The following BBIP1 variants were observed in gnomAD, a reference collection of about 807,000 sequenced individuals.
BBIP1 encodes BBSome interacting protein 1.
In BBIP1, 6 loss-of-function variants were observed where a neutral mutation model predicts 8.9. The ratio of observed to expected loss-of-function variants is 0.67; its 90% CI spans 0.37 to 1.33. The LOEUF (loss-of-function observed/expected upper bound fraction) is 1.33, where lower values mean the gene tolerates loss of function less well. Ranked by LOEUF, BBIP1 falls within the 40% of genes most tolerant of loss-of-function variation. The probability of loss-of-function intolerance (pLI) is 0.02; values close to 1 mark genes in which losing one functional copy is unlikely to be tolerated. For missense variants in BBIP1, 111 were observed against 109.2 expected (o/e 1.02, Z -0.07); for synonymous variants, 32 against 33.4 (o/e 0.96, Z 0.14).
chr10:110,905,519 G>A (rs977154568), intron 2 of BBIP1, among the ~76,000 whole-genome samples: 5 of 151,370 alleles, frequency 3.3e-5, no homozygotes, highest in Non-Finnish European at 2.9e-5. Context: ...CCGAGATCGT[G>A]CCACTGCACT....
intron 2 of BBIP1, among the ~76,000 whole-genome samples, chr10:110,915,616 C>A (rs1017015942): frequency 2.6e-5 from 4 of 152,196 alleles, no homozygotes; most frequent in Non-Finnish European, 5.9e-5. Context: ...TGACTGCACT[C>A]CATGTGCTAT....
intron 2 of BBIP1, among the ~76,000 whole-genome samples, chr10:110,916,262 T>C (rs1846398725): frequency 6.6e-6 from 1 of 152,228 alleles, no homozygotes; most frequent in South Asian, 2.1e-4. Context: ...AATTCTGTCC[T>C]CCCAGAGCAT....
chr10:110,911,165 G>GT (rs369010567), intron 2 of BBIP1: 354 of 152,278 alleles, frequency 2.3e-3, no homozygotes, highest in African/African-American at 8.1e-3. Flanking sequence ...TCTTACCATA[G>GT]TGTACCATTA....
chr10:110,911,297 T>A (rs1036144091), intron 2 of BBIP1: 23 of 152,142 alleles, frequency 1.5e-4, no homozygotes, highest in African/African-American at 5.5e-4. Context: ...TATTTTAGAA[T>A]TCTCCACCTC....
At chr10:110,907,528 AAAG>A (rs1269334491) in intron 2 of BBIP1, 80 of 495,860 alleles carry the variant, frequency 1.6e-4, no homozygotes, top group African/African-American at 4.4e-4. Flanking sequence ...AAAAAAAAAA[AAAG>A]AAAAGAAAAG....
intron 2 of BBIP1, among the ~76,000 whole-genome samples, chr10:110,908,621 A>G (rs1590753530): frequency 2.0e-5 from 3 of 152,290 alleles, no homozygotes; most frequent in Admixed American, 6.5e-5. Flanking sequence ...TATAAGTTCT[A>G]TACTTAGAAG....
rs146131669 is a variant in BBIP1, at chr10:110,901,805, A to G, written c.38-193T>C. On this transcript the variant is annotated intron_variant, in intron 2 of 3. Transcript: ENST00000448814. ...AAGCATTTAGATCTTGTCAACTTCC[A>G]TTAGTCAGTTGTGGTGTTAACTACA... 49 of 565,746 alleles carry G rather than the reference A, an allele frequency of 8.7e-5. No homozygotes were observed. The East Asian group carries it at 1.2e-3, about 14-fold the overall frequency. 35.0% of individuals were successfully genotyped at this position (565,746 alleles called of 1,614,324 possible).
intron 3 of BBIP1, 136 bp from the exon 4 acceptor site, chr10:110,900,662 C>T (rs1003299078): frequency 2.9e-6 from 2 of 697,962 alleles, no homozygotes; most frequent in Non-Finnish European, 4.5e-6. Context: ...TTGAGTTTTG[C>T]TCTGGAACCA....
At chr10:110,913,460 A>G (rs1564694315) in intron 2 of BBIP1, among the ~76,000 whole-genome samples, 1 of 152,216 alleles carries the variant, frequency 6.6e-6, no homozygotes, top group Non-Finnish European at 1.5e-5. Flanking sequence ...GCTTTTCTTT[A>G]AAAACCTGTT....
chr10:110,903,413 C>T (rs1341959743), intron 2 of BBIP1: 1 of 152,290 alleles, frequency 6.6e-6, no homozygotes, highest in Non-Finnish European at 1.5e-5. Flanking sequence ...GTGGGCTGCA[C>T]CTAGTGTGGG....
intron 2 of BBIP1, 113 bp from the exon 3 acceptor site, chr10:110,901,725 C>T: frequency 1.3e-6 from 1 of 756,880 alleles, no homozygotes; most frequent in South Asian, 1.5e-5. Context: ...AGTGAACTAC[C>T]CTAACCTTGT....
chr10:110,907,782 T>A (rs1846182512), intron 2 of BBIP1: 2 of 702,132 alleles, frequency 2.8e-6, no homozygotes, highest in Admixed American at 2.0e-5. Context: ...CGTTGTTCTT[T>A]GAGATGTTAA....
At chr10:110,911,991 G>A (rs1038215027) in intron 2 of BBIP1, 1 of 152,190 alleles carries the variant, frequency 6.6e-6, no homozygotes, top group African/African-American at 2.4e-5. Context: ...TTACAAAGGA[G>A]GGTGAAAATA....
Position 110,899,296 on chromosome 10 carries a change from T to A in BBIP1, c.*1064A>T, listed in dbSNP as rs1845913626. The A allele has an allele frequency of 6.6e-6, 1 of 152,220 alleles. No homozygotes were observed. Among genetic ancestry groups the A allele is most frequent in the South Asian group, 2.1e-4 (1 of 4,836 alleles). The allele number at this position is 152,220 out of a possible 1,614,324, so 9.4% of individuals were successfully genotyped here. The stretch of plus-strand genomic sequence containing the variant: ...ACTGCTTACAGGTTTAGATATAGTC[T>A]GTTAGAATTAAAACCAAGTTTAGTG... On this transcript the variant is annotated 3_prime_UTR_variant, in exon 4 of 4. Transcript: ENST00000448814.
intron 2 of BBIP1, chr10:110,910,666 C>T (rs1001940799): frequency 3.9e-5 from 6 of 152,192 alleles, no homozygotes; most frequent in Non-Finnish European, 5.9e-5. Context: ...TCCCACCCCC[C>T]ACTGCCAGTG....
intron 2 of BBIP1, chr10:110,904,969 C>G (rs914720426): frequency 6.6e-6 from 1 of 152,066 alleles, no homozygotes; most frequent in Non-Finnish European, 1.5e-5. Context: ...TTTTGAAGGC[C>G]TTGGTTTAGG....
intron 2 of BBIP1, among the ~76,000 whole-genome samples, chr10:110,916,036 G>A (rs546289639): frequency 2.6e-5 from 4 of 152,302 alleles, no homozygotes; most frequent in Admixed American, 2.6e-4. Flanking sequence ...AGAGTGAGTA[G>A]GCTGTCCAAG....
intron 2 of BBIP1, chr10:110,903,646 G>A (rs1846060342): frequency 6.6e-6 from 1 of 152,198 alleles, no homozygotes; most frequent in South Asian, 2.1e-4. Context: ...CTTAATGATG[G>A]GATATGTTCT....
intron 2 of BBIP1, chr10:110,906,694 G>C (rs1846149762): frequency 6.6e-6 from 1 of 152,224 alleles, no homozygotes; most frequent in African/African-American, 2.4e-5. Flanking sequence ...CGAGTAGCTG[G>C]GATTACAGGC....
Sources: gnomAD v4.1 joint callset for allele counts (sites outside exome capture counted in the v4.1 genomes callset) on GRCh38, gnomAD v4.1.1 for gene constraint, MANE v1.5 for transcripts, NCBI Gene and HGNC (gene_info 2026-07-23, HGNC 2026-07-21) for gene names.